CYP4F3: variants seen among roughly 807,000 people sequenced by gnomAD.
CYP4F3 encodes cytochrome P450 family 4 subfamily F member 3.
Under a neutral mutation model 54.8 loss-of-function variants are expected in CYP4F3, and 50 were observed. That is an observed-to-expected ratio of 0.91 (90% CI 0.73 to 1.16). CYP4F3 has a LOEUF of 1.16. Ranked by LOEUF, CYP4F3 falls within the 50% of genes most tolerant of loss-of-function variation. CYP4F3 has a pLI of 0.00. For synonymous variants in CYP4F3, 244 were observed against 262.6 expected, an observed-to-expected ratio of 0.93 and a Z score of 0.69; for missense variants, 715 against 676.2, an observed-to-expected ratio of 1.06 and a Z score of -0.64.
In CYP4F3 at chr19:15,658,556, G is replaced by T. The variant is rs371080399; in HGVS notation, c.1314+1G>T. 4 of 1,614,150 alleles carry T rather than the reference G, an allele frequency of 2.5e-6. No homozygotes were observed. The South Asian group carries it at 4.4e-5, about 18-fold the overall frequency. Reference sequence around the variant, plus strand: ...CCCAGCCGTGTGGCCGGACCCTGAGGTGCGGGCCCCCCGTCTCTGTTTTTG... The same window carrying T: ...CCCAGCCGTGTGGCCGGACCCTGAGTTGCGGGCCCCCCGTCTCTGTTTTTG... On this transcript the variant is annotated splice_donor_variant, in intron 11 of 12. Transcript: ENST00000221307. LOFTEE classifies it high-confidence loss of function.
intron 2 of CYP4F3, chr19:15,643,912 C>A: frequency 6.3e-7 from 1 of 1,575,924 alleles, no homozygotes; most frequent in South Asian, 1.2e-5. Flanking sequence ...TGCAGGTCAC[C>A]CCCACGGAGC....
rs545259597 is a variant in CYP4F3, at chr19:15,645,194, C to T, written c.199-525C>T. ...TTCTCATGGGAAAGCCCACATTTCCCCCAGAGTTCCCAGAAAAGGCCCATG... is the reference window on the plus strand; with the variant it reads ...TTCTCATGGGAAAGCCCACATTTCCTCCAGAGTTCCCAGAAAAGGCCCATG... On this transcript the variant is annotated intron_variant, in intron 2 of 12. Transcript: ENST00000221307. 4.6e-5 allele frequency among the ~76,000 whole-genome samples: 7 copies of T among 152,302 alleles called. No individual in the cohort carries two copies. In the East Asian group the frequency reaches 1.4e-3, roughly 29 times the overall value.
chr19:15,646,525 G>A (rs903143982), intron 3 of CYP4F3, among the ~76,000 whole-genome samples: 2 of 152,158 alleles, frequency 1.3e-5, no homozygotes, highest in Non-Finnish European at 2.9e-5. Context: ...TGTGGAACAC[G>A]CTTTTAAGGT....
chr19:15,653,757 A>T lies in CYP4F3; in HGVS notation c.1115+805A>T, dbSNP rs867617264. ...AGAGGAGAGAGAGAGAGAGAGAGAGAGAGAGAGAGAGAGAGAGAGAGAGAG... is the reference window on the plus strand; with the variant it reads ...AGAGGAGAGAGAGAGAGAGAGAGAGTGAGAGAGAGAGAGAGAGAGAGAGAG... On this transcript the variant is annotated intron_variant, in intron 9 of 12. Coordinates refer to ENST00000221307, the MANE Select transcript of CYP4F3 (RefSeq NM_000896.3). 2.0e-4 allele frequency among the ~76,000 whole-genome samples: 27 copies of T among 137,446 alleles called. 1 individual carries two copies. The highest frequency in any genetic ancestry group is 8.8e-4 in the African/African-American group (26 of 29,708). The allele number at this position is 137,446 out of a possible 152,430, so 90.2% of individuals were successfully genotyped here.
At chr19:15,645,640 G>A (rs1972600556) in intron 2 of CYP4F3, 79 bp from the exon 3 acceptor site, 1 of 1,499,176 alleles carries the variant, frequency 6.7e-7, no homozygotes, top group Non-Finnish European at 9.0e-7. Context: ...CAGGGAGAGG[G>A]CTTCCACCTC....
At chr19:15,643,959 AC>A in intron 2 of CYP4F3, 1 of 1,605,000 alleles carries the variant, frequency 6.2e-7, no homozygotes. Flanking sequence ...GTGGCCACCT[AC>A]CCCCAGGGCT....
chr19:15,647,371 G>A, intron 5 of CYP4F3, 47 bp downstream of exon 5: 7 of 1,611,976 alleles, frequency 4.3e-6, no homozygotes, highest in Non-Finnish European at 5.1e-6. Context: ...TTGGTTGGGG[G>A]GAACCACAGA....
rs2733760 is a variant in CYP4F3 at position 15,659,942 on chromosome 19, G to A, written c.*557G>A. The A allele has an allele frequency of 0.069, 10,518 of 152,574 alleles. 436 individuals are homozygous for A. Among genetic ancestry groups the A allele is most frequent in the South Asian group, 0.19 (923 of 4,822 alleles). 9.5% of individuals were successfully genotyped at this position (152,574 alleles called of 1,614,324 possible). A position where few individuals can be genotyped will look rare whatever the true frequency, so the allele number is the denominator to read the frequency against. ...ACCTAGATAGTGATGAAGGTAGCAC[G>A]ACACTGTGAGTGCACTAAATGCTAT... On this transcript the variant is annotated 3_prime_UTR_variant, in exon 13 of 13. Transcript: ENST00000221307.
Position 15,652,864 on chromosome 19 carries a change from C to T in CYP4F3, c.1027C>T (p.His343Tyr). The T allele has an allele frequency of 6.2e-7, 1 of 1,613,842 alleles. No individual in the cohort carries two copies. Among genetic ancestry groups the T allele is most frequent in the Middle Eastern group, 1.7e-4 (1 of 6,058 alleles). Residue 343 changes from histidine (H) to tyrosine (Y), a missense_variant, in exon 9 of 13, where the codon CAC becomes TAC. Transcript: ENST00000221307. ...CAGTGGTCTCTCCTGGGTCCTGTACCACCTTGCAAAGCACCCGGAATACCA... is the reference window on the plus strand; with the variant it reads ...CAGTGGTCTCTCCTGGGTCCTGTACTACCTTGCAAAGCACCCGGAATACCA... ...TASGLSWVLYHLAKHPEYQER... is the reference protein window; with the variant it reads ...TASGLSWVLYYLAKHPEYQER...
chr19:15,657,933 T>C (rs941454929), intron 9 of CYP4F3, among the ~76,000 whole-genome samples: 2 of 152,206 alleles, frequency 1.3e-5, no homozygotes, highest in East Asian at 3.8e-4. Context: ...TTAATTTTTA[T>C]GACGTTAAGT....
rs953864462 is a variant in CYP4F3 at position 15,660,687 on chromosome 19, G to C, written c.*1302G>C. 3.3e-5 allele frequency: 5 copies of C among 152,008 alleles called. No individual in the cohort carries two copies. The highest frequency in any genetic ancestry group is 1.2e-4 in the African/African-American group (5 of 41,274). 9.4% of individuals were successfully genotyped at this position (152,008 alleles called of 1,614,324 possible). A position where few individuals can be genotyped will look rare whatever the true frequency, so the allele number is the denominator to read the frequency against. ...CAGATCACCTGGGGACCACTCCAGA[G>C]TGAGTAGACAAGACTTTGACAGGGG... is the stretch of plus-strand genomic sequence containing the variant. On this transcript the variant is annotated 3_prime_UTR_variant, in exon 13 of 13. Coordinates refer to ENST00000221307, the MANE Select transcript of CYP4F3 (RefSeq NM_000896.3).
intron 9 of CYP4F3, among the ~76,000 whole-genome samples, chr19:15,656,761 T>A (rs1973035916): frequency 1.1e-5 from 1 of 94,710 alleles, no homozygotes; most frequent in African/African-American, 4.4e-5. Context: ...TCTATCTATC[T>A]ATCTATCATC....
chr19:15,642,990 A>AGGATGGATAGATTAGAT (rs1172288930), intron 2 of CYP4F3, among the ~76,000 whole-genome samples: 1 of 151,728 alleles, frequency 6.6e-6, no homozygotes, highest in Non-Finnish European at 1.5e-5. Context: ...GTGGATATGT[A>AGGATGGATAGATTAGAT]GGATGGATAG....
rs746171542 is a variant in CYP4F3 at position 15,652,951 on chromosome 19, T to C, written c.1114T>C (p.Trp372Arg). The C allele has an allele frequency of 1.2e-6, 2 of 1,605,286 alleles. No homozygotes were observed. Among genetic ancestry groups the C allele is most frequent in the Non-Finnish European group, 8.5e-7 (1 of 1,175,806 alleles). ...GGACCGTGAGCCTAAAGAGATTGAA[T>C]GGTGAGTGCAGGTGCTGGTGCCCTG... ...LKDREPKEIE[W>R]DDLAQLPFLT... is the part of the protein sequence containing the mutation. The change falls in exon 9 of 13, where the codon TGG becomes CGG. Residue 372 changes from tryptophan to arginine, a missense_variant and splice_region_variant. Coordinates refer to ENST00000221307, the MANE Select transcript of CYP4F3 (RefSeq NM_000896.3).
At chr19:15,649,807 AT>A (rs1250320445) in intron 6 of CYP4F3, 105 bp from the exon 7 acceptor site, 1 of 1,499,592 alleles carries the variant, frequency 6.7e-7, no homozygotes, top group African/African-American at 1.4e-5. Flanking sequence ...CTGTTCCTGG[AT>A]ACCCCGTTTA....
At chr19:15,651,082 G>T (rs1568398778) in intron 7 of CYP4F3, among the ~76,000 whole-genome samples, 1 of 151,486 alleles carries the variant, frequency 6.6e-6, no homozygotes, top group Non-Finnish European at 1.5e-5. Context: ...CACCATGTTG[G>T]CCAGGCTGGT....
At chr19:15,657,981 A>C (rs2365826) in intron 9 of CYP4F3, among the ~76,000 whole-genome samples, 100,383 of 151,382 alleles carry the variant, frequency 0.66, 33,803 homozygotes, top group East Asian at 0.82. Flanking sequence ...AAAATCCATC[A>C]ACTTCCCAGG....
intron 9 of CYP4F3, among the ~76,000 whole-genome samples, chr19:15,655,276 C>T (rs939905892): frequency 2.6e-5 from 4 of 152,166 alleles, no homozygotes; most frequent in African/African-American, 4.8e-5. Flanking sequence ...GGTTATTAAT[C>T]GCTTGTCAGA....
Position 15,661,428 on chromosome 19 carries a change from GT to G in CYP4F3, c.*2048del. 6.6e-6 allele frequency: 1 copy of G among 152,328 alleles called. No individual in the cohort carries two copies. The highest frequency in any genetic ancestry group is 1.5e-5 in the Non-Finnish European group (1 of 68,034). 9.4% of individuals were successfully genotyped at this position (152,328 alleles called of 1,614,324 possible). On this transcript the variant is annotated 3_prime_UTR_variant, in exon 13 of 13. Coordinates refer to ENST00000221307, the MANE Select transcript of CYP4F3 (RefSeq NM_000896.3). The stretch of plus-strand genomic sequence containing the variant: ...TAATTAGCAGTCCTTCGTAGTGTCA[GT>G]TTTTGTTTCAGCCTTCCTTATGGGT...
Sources: allele counts gnomAD v4.1 joint callset (sites outside exome capture counted in the v4.1 genomes callset), GRCh38; gene constraint gnomAD v4.1.1; transcripts MANE v1.5; gene names NCBI Gene and HGNC (gene_info 2026-07-23, HGNC 2026-07-21).